Variants in C5orf63 observed in about 807,000 individuals in gnomAD.
C5orf63 encodes glutaredoxin-like protein C5orf63.
A neutral mutation model predicts 13.3 loss-of-function variants in C5orf63; 18 were observed. The ratio of observed to expected loss-of-function variants is 1.36; its 90% CI spans 0.94 to 2.01. C5orf63 has a LOEUF of 2.01. C5orf63 is among the 30% of genes most tolerant of loss of function. C5orf63 has a pLI of 0.00. For missense variants in C5orf63, 118 were observed against 127.7 expected (o/e 0.92, Z 0.36); for synonymous variants, 38 against 44.7 (o/e 0.85, Z 0.60).
chr5:127,042,578 A>T (rs1437350053), downstream of C5orf63: 3 of 152,150 alleles, frequency 2.0e-5, no homozygotes, highest in African/African-American at 7.2e-5. Flanking sequence ...AGGGAGGAAA[A>T]ATATTTATTT....
At chr5:127,042,941 T>C (rs549632159), downstream of C5orf63, 1 of 152,332 alleles carries the variant, frequency 6.6e-6, no homozygotes, top group East Asian at 1.9e-4. Context: ...GAATTGCACA[T>C]AATTATAGGC....
intron 2 of C5orf63, among the ~76,000 whole-genome samples, chr5:127,069,818 G>T (rs753795052): frequency 5.9e-5 from 9 of 152,012 alleles, no homozygotes; most frequent in Non-Finnish European, 8.8e-5. Flanking sequence ...TAATGTTTTG[G>T]AACTGGAAGT....
At chr5:127,055,122 C>T (rs144073688) in intron 3 of C5orf63, among the ~76,000 whole-genome samples, 2,957 of 152,254 alleles carry the variant, frequency 0.019, 47 homozygotes, top group South Asian at 0.035. Flanking sequence ...CAGTACCATG[C>T]TGTTTTGGTT....
chr5:127,069,902 T>G (rs1580536532), intron 2 of C5orf63, among the ~76,000 whole-genome samples: 1 of 152,200 alleles, frequency 6.6e-6, no homozygotes, highest in African/African-American at 2.4e-5. Context: ...ATTTTTTAGT[T>G]CATTTCTCTG....
Position 127,051,746 on chromosome 5 carries a change from G to C in C5orf63, c.*25C>G. The C allele has an allele frequency of 6.8e-7, 1 of 1,468,282 alleles. No individual in the cohort carries two copies. Among genetic ancestry groups the C allele is most frequent in the Non-Finnish European group, 9.0e-7 (1 of 1,114,594 alleles). 91.0% of individuals were successfully genotyped at this position (1,468,282 alleles called of 1,614,324 possible). On this transcript the variant is annotated 3_prime_UTR_variant, in exon 5 of 5. Coordinates refer to ENST00000296662, the MANE Select transcript of C5orf63 (RefSeq NM_001164478.2). ...TAGGAAGATGCTTTATGGGAAGAGAGGGTGGAAAATCATGAGGGCATCAGT... is the reference window on the plus strand; with the variant it reads ...TAGGAAGATGCTTTATGGGAAGAGACGGTGGAAAATCATGAGGGCATCAGT...
intron 4 of C5orf63, 191 bp downstream of exon 4, chr5:127,052,422 C>T: frequency 4.7e-6 from 2 of 423,226 alleles, no homozygotes; most frequent in Admixed American, 4.1e-5. Context: ...ACCAGTACTG[C>T]TCAGAGGAAA....
intron 2 of C5orf63, among the ~76,000 whole-genome samples, chr5:127,066,921 AG>A (rs1444936653): frequency 6.6e-6 from 1 of 152,202 alleles, no homozygotes; most frequent in Non-Finnish European, 1.5e-5. Context: ...GAAGTCAATG[AG>A]AAAGTGTTTC....
At chr5:127,071,847 A>T (rs1322943348) in intron 1 of C5orf63, 162 bp from the exon 2 acceptor site, 2 of 152,210 alleles carry the variant, frequency 1.3e-5, no homozygotes, top group Middle Eastern at 3.2e-3. Context: ...CAAGTTATGA[A>T]ATAAAAAAAC....
rs1327994696 is a variant in C5orf63 at position 127,051,786 on chromosome 5, T to C, written c.333A>G (p.Gln111=). Residue 111 remains glutamine (Q), a synonymous_variant, in exon 5 of 5, where the codon CAA becomes CAG. Transcript: ENST00000296662. ...AGGGCATCAGTCAGCCTCCAGTACT[T>C]TGCTGCTCAAGTTTCAGGAGCTGTT... The part of the protein sequence containing the change: ...LEKQLLKLEQ[Q]STGG 1.3e-6 allele frequency: 2 copies of C among 1,522,744 alleles called. No individual in the cohort carries two copies. The highest frequency in any genetic ancestry group is 2.8e-5 in the African/African-American group (2 of 72,372). 94.3% of individuals were successfully genotyped at this position (1,522,744 alleles called of 1,614,324 possible).
chr5:127,071,908 G>C (rs556586654), intron 1 of C5orf63: 10 of 152,316 alleles, frequency 6.6e-5, no homozygotes, highest in Admixed American at 3.3e-4. Context: ...TAGTGCCTCT[G>C]AGTACTTTAG....
chr5:127,053,292 T>C (rs1184664542), intron 3 of C5orf63, among the ~76,000 whole-genome samples: 4 of 152,308 alleles, frequency 2.6e-5, no homozygotes, highest in Admixed American at 6.5e-5. Context: ...TTAGTGTCCA[T>C]TGTTTGCACT....
chr5:127,050,272 T>C (rs12658821), downstream of C5orf63, among the ~76,000 whole-genome samples: 3,115 of 152,302 alleles, frequency 0.02, 76 homozygotes, highest in South Asian at 0.12. Context: ...TCAATATTTA[T>C]GTCAAATAAA....
At position 127,051,820 on chromosome 5, in the gene C5orf63, T is replaced by G. The variant is rs1296862346; in HGVS notation, c.299A>C (p.Lys100Thr). The G allele has an allele frequency of 1.4e-5, 21 of 1,534,022 alleles. No individual in the cohort carries two copies. The highest frequency in any genetic ancestry group is 1.8e-5 in the Non-Finnish European group (21 of 1,145,666). The part of the protein sequence containing the change: ...FLMMHRVNTS[K>T]LEKQLLKLEQ... The stretch of plus-strand genomic sequence containing the variant: ...AAGTTTCAGGAGCTGTTTTTCAAGT[T>G]TTGAGGTGTTTACTCGATGCATCAT... Residue 100 changes from lysine (K) to threonine (T), a missense_variant, in exon 5 of 5, where the codon AAA becomes ACA. Transcript: ENST00000296662.
At chr5:127,048,650 T>C (rs538331845), downstream of C5orf63, among the ~76,000 whole-genome samples, 130 of 152,272 alleles carry the variant, frequency 8.5e-4, no homozygotes, top group African/African-American at 3.0e-3. Context: ...GCCAGTACTT[T>C]AGTTTGAGCA....
chr5:127,054,522 C>T (rs1028717820), intron 3 of C5orf63, among the ~76,000 whole-genome samples: 2 of 152,186 alleles, frequency 1.3e-5, no homozygotes, highest in African/African-American at 2.4e-5. Context: ...CTGTTGGCTG[C>T]ATAAATGTCT....
At chr5:127,048,041 A>G (rs1753561967), downstream of C5orf63, 1 of 589,026 alleles carries the variant, frequency 1.7e-6, no homozygotes, top group Non-Finnish European at 3.0e-6. Flanking sequence ...CAGGCTGTGC[A>G]GGTTATTGGG....
rs2126900464 is a variant in C5orf63, at chr5:127,067,593, C to T, written c.-8+3991G>A. Among the ~76,000 whole-genome samples the T allele has an allele frequency of 3.9e-5, 6 of 152,290 alleles. 1 individual carries two copies. In the South Asian group the frequency reaches 1.2e-3, roughly 32 times the overall value. On this transcript the variant is annotated intron_variant, in intron 2 of 4. Coordinates refer to ENST00000296662, the MANE Select transcript of C5orf63 (RefSeq NM_001164478.2). ...TATTGGCTTAAACTTACTCAGCCTTCACAAAATTATGAAGGTACTGAAATT... is the reference window on the plus strand; with the variant it reads ...TATTGGCTTAAACTTACTCAGCCTTTACAAAATTATGAAGGTACTGAAATT...
intron 2 of C5orf63, among the ~76,000 whole-genome samples, chr5:127,069,255 G>C (rs1754442931): frequency 2.0e-5 from 3 of 152,120 alleles, no homozygotes; most frequent in Admixed American, 6.5e-5. Context: ...AATTAGGCAG[G>C]CTCCTTTCCA....
intron 2 of C5orf63, among the ~76,000 whole-genome samples, chr5:127,066,542 G>A (rs1754341408): frequency 6.6e-6 from 1 of 152,070 alleles, no homozygotes; most frequent in Admixed American, 6.6e-5. Flanking sequence ...TGAGCCTCTA[G>A]GTGGGTGGCA....
Sources: gnomAD v4.1 joint callset for allele counts (sites outside exome capture counted in the v4.1 genomes callset) on GRCh38, gnomAD v4.1.1 for gene constraint, MANE v1.5 for transcripts, NCBI Gene and HGNC (gene_info 2026-07-23, HGNC 2026-07-21) for gene names.